AXIN2: variants seen among roughly 807,000 people sequenced by gnomAD.
AXIN2 encodes axin-2.
Under a neutral mutation model 74.7 loss-of-function variants are expected in AXIN2, and 21 were observed. The observed-to-expected ratio is 0.28, with a 90% CI of 0.20 to 0.40. AXIN2 has a LOEUF of 0.40. Among genes scored for constraint, AXIN2 ranks in the 10% least tolerant of loss-of-function variants. The pLI is 1.00. For missense variants in AXIN2, 1,144 were observed against 1,111.1 expected, an observed-to-expected ratio of 1.03 and a Z score of -0.42; for synonymous variants, 532 against 454.9, an observed-to-expected ratio of 1.17 and a Z score of -2.16.
chr17:65,534,468 G>A (rs1037092423), intron 9 of AXIN2, among the ~76,000 whole-genome samples: 2 of 152,244 alleles, frequency 1.3e-5, no homozygotes, highest in Non-Finnish European at 2.9e-5. Context: ...CTGGATTGGA[G>A]AGTGCTAAAG....
chr17:65,537,860 G>A (rs772622637), intron 5 of AXIN2, 25 bp from the exon 6 acceptor site: 4 of 1,524,358 alleles, frequency 2.6e-6, no homozygotes, highest in Non-Finnish European at 3.5e-6. Flanking sequence ...GTCAGAAGGA[G>A]AAGTGACCCA....
chr17:65,555,124 G>A (rs573440036), intron 2 of AXIN2, among the ~76,000 whole-genome samples: 8 of 152,172 alleles, frequency 5.3e-5, no homozygotes, highest in Admixed American at 1.3e-4. Flanking sequence ...CAAACAAGTC[G>A]TTAAAAACGA....
At chr17:65,537,257 C>T in intron 6 of AXIN2, 67 bp downstream of exon 6, 2 of 1,606,576 alleles carry the variant, frequency 1.2e-6, no homozygotes, top group South Asian at 1.1e-5. Flanking sequence ...TCCCACCTCA[C>T]ACCTGCCCAT....
At chr17:65,534,830 T>A (rs767744784) in intron 9 of AXIN2, among the ~76,000 whole-genome samples, 12 of 152,034 alleles carry the variant, frequency 7.9e-5, no homozygotes, top group Non-Finnish European at 1.8e-4. Flanking sequence ...CTCGGGAGGC[T>A]GAGGCAGGAG....
At chr17:65,552,227 A>ACTCT (rs911198464) in intron 2 of AXIN2, among the ~76,000 whole-genome samples, 6 of 152,120 alleles carry the variant, frequency 3.9e-5, no homozygotes, top group African/African-American at 1.4e-4. Flanking sequence ...GAGAAGGGGG[A>ACTCT]CTCTCTGTTC....
At position 65,537,005 on chromosome 17, in the gene AXIN2, C is replaced by T. The variant is rs754833574; in HGVS notation, c.1771G>A (p.Ala591Thr). 1.2e-6 allele frequency: 2 copies of T among 1,611,826 alleles called. No individual in the cohort carries two copies. The highest frequency in any genetic ancestry group is 1.7e-6 in the Non-Finnish European group (2 of 1,179,874). The change falls in exon 7 of 11, where the codon GCC (alanine) becomes ACC (threonine). Residue 591 changes from alanine (A) to threonine (T), a missense_variant. Physicochemically the swap from Ala to Thr is moderately conservative, Grantham distance 58 (BLOSUM62 0). This residue lies in a region of AXIN2 where 1,053 missense variants were observed against 973.5 expected (regional missense o/e 1.08). Transcript: ENST00000307078. The part of the protein sequence containing the change: ...RNGKGTEPGL[A>T]LPAREGGAPG... ...GCCCCTCCTTCCCTGGCGGGCAGGGCCAGGCCCGGCTCCGTGCCTTTCCCA... is the reference window on the plus strand; with the variant it reads ...GCCCCTCCTTCCCTGGCGGGCAGGGTCAGGCCCGGCTCCGTGCCTTTCCCA...
chr17:65,540,719 ACCC>A (rs963785245), intron 4 of AXIN2, among the ~76,000 whole-genome samples: 1 of 150,848 alleles, frequency 6.6e-6, no homozygotes, highest in Non-Finnish European at 1.5e-5. Context: ...ATTGCCCACC[ACCC>A]CCCCAACCTC....
At chr17:65,556,708 C>T (rs1290577318) in intron 2 of AXIN2, among the ~76,000 whole-genome samples, 2 of 152,138 alleles carry the variant, frequency 1.3e-5, no homozygotes, top group African/African-American at 4.8e-5. Context: ...TGGTGCCCAC[C>T]TCTCTTCCTG....
At chr17:65,556,714 TC>T (rs1456270677) in intron 2 of AXIN2, among the ~76,000 whole-genome samples, 1 of 152,082 alleles carries the variant, frequency 6.6e-6, no homozygotes, top group Non-Finnish European at 1.5e-5. Flanking sequence ...CCACCTCTCT[TC>T]CTGCTGCTGG....
rs773001468 is a variant in AXIN2 at position 65,537,854 on chromosome 17, G to C, written c.1201-19C>G. 6.5e-7 allele frequency: 1 copy of C among 1,530,410 alleles called. No homozygotes were observed. The highest frequency in any genetic ancestry group is 2.1e-5 in the Admixed American group (1 of 48,138). The allele number at this position is 1,530,410 out of a possible 1,614,324, so 94.8% of individuals were successfully genotyped here. On this transcript the variant is annotated intron_variant, in intron 5 of 10. Transcript: ENST00000307078. ...CTTCATCCTGAAAGGGAAGACGTCA[G>C]AAGGAGAAGTGACCCAGGAAGCAGA...
At chr17:65,551,651 A>T (rs1042479961) in intron 2 of AXIN2, among the ~76,000 whole-genome samples, 2 of 152,142 alleles carry the variant, frequency 1.3e-5, no homozygotes, top group African/African-American at 2.4e-5. Context: ...AAGGTAGGAG[A>T]GGCAGTCTCT....
intron 7 of AXIN2, 131 bp from the exon 8 acceptor site, chr17:65,536,684 G>C (rs760898165): frequency 4.4e-6 from 6 of 1,378,110 alleles, no homozygotes; most frequent in Non-Finnish European, 6.1e-6. Context: ...ACCATAACAT[G>C]AACAGGGGTC....
rs1461001184 is a variant in AXIN2, at chr17:65,537,352, G to A, written c.1684C>T (p.Pro562Ser). 1.1e-5 allele frequency: 17 copies of A among 1,614,142 alleles called. No individual in the cohort carries two copies. Among genetic ancestry groups the A allele is most frequent in the South Asian group, 2.2e-5 (2 of 91,086 alleles). Residue 562 changes from proline (P) to serine (S), a missense_variant, in exon 6 of 11, where the codon CCG becomes TCG. By Grantham distance (74) the Pro-to-Ser change is moderately conservative (BLOSUM62 -1). Coordinates refer to ENST00000307078, the MANE Select transcript of AXIN2 (RefSeq NM_004655.4). ...AACTGCTCGCTGGGCATGGTTTCCG[G>A]AGCCTTGGAGTGGCTTTTGCATTTC... is the stretch of plus-strand genomic sequence containing the variant. The part of the protein sequence containing the change: ...YSKCKSHSKA[P>S]ETMPSEQFGG...
intron 2 of AXIN2, among the ~76,000 whole-genome samples, chr17:65,557,280 C>A (rs1468764867): frequency 6.6e-6 from 1 of 152,142 alleles, no homozygotes. Flanking sequence ...AAGGGAACCA[C>A]AAGCTCAGTT....
intron 3 of AXIN2, 128 bp downstream of exon 3, chr17:65,549,392 A>C: frequency 8.5e-7 from 1 of 1,182,304 alleles, no homozygotes; most frequent in Non-Finnish European, 1.2e-6. Context: ...CCCTCCCACC[A>C]AACTGATGTC....
intron 5 of AXIN2, 45 bp downstream of exon 5, chr17:65,538,158 C>T: frequency 6.2e-7 from 1 of 1,613,746 alleles, no homozygotes; most frequent in East Asian, 2.2e-5. Context: ...CATACGAGCG[C>T]TCACGCCGTG....
At chr17:65,546,653 GT>G (rs1567761982) in intron 3 of AXIN2, among the ~76,000 whole-genome samples, 1 of 152,178 alleles carries the variant, frequency 6.6e-6, no homozygotes, top group East Asian at 1.9e-4. Flanking sequence ...CTCCTAATTA[GT>G]ATAAATGCCC....
At chr17:65,540,494 A>T (rs2044025123) in intron 4 of AXIN2, among the ~76,000 whole-genome samples, 1 of 150,650 alleles carries the variant, frequency 6.6e-6, no homozygotes, top group Non-Finnish European at 1.5e-5. Context: ...CTGATAGGGA[A>T]TTTTTTTTTT....
chr17:65,556,363 T>A (rs1210075621), intron 2 of AXIN2, among the ~76,000 whole-genome samples: 1 of 152,132 alleles, frequency 6.6e-6, no homozygotes, highest in Non-Finnish European at 1.5e-5. Flanking sequence ...AATGGTCTCA[T>A]AATGGGGCGG....
Sources: gnomAD v4.1 joint callset for allele counts (sites outside exome capture counted in the v4.1 genomes callset) on GRCh38, gnomAD v4.1.1 for gene constraint, gnomAD v4.1.1 regional missense constraint, MANE v1.5 for transcripts, NCBI Gene and HGNC (gene_info 2026-07-23, HGNC 2026-07-21) for gene names.